Variants in MSL1 observed in about 807,000 individuals in gnomAD.
MSL1 encodes the protein male-specific lethal 1 homolog.
A neutral mutation model predicts 64.6 loss-of-function variants in MSL1; 21 were observed. The observed-to-expected ratio is 0.33, with a 90% CI of 0.23 to 0.47. The LOEUF is 0.47. MSL1 is among the 20% of genes least tolerant of loss of function. The pLI, the probability that MSL1 is intolerant of heterozygous loss-of-function variation, is 1.00. For missense variants in MSL1, 664 were observed against 793.2 expected, an observed-to-expected ratio of 0.84 and a Z score of 1.96; for synonymous variants, 339 against 329.6, an observed-to-expected ratio of 1.03 and a Z score of -0.31.
chr17:40,136,047 C>T lies in MSL1; in HGVS notation c.*1678C>T, dbSNP rs1185585785. On this transcript the variant is annotated 3_prime_UTR_variant, in exon 9 of 9. Transcript: ENST00000398532. Reference sequence around the variant, plus strand: ...AACTGGGCCAGATTTTCTTTGTTCTCCATCATTTTAATGTGGCAGGCTGTT... The same window carrying T: ...AACTGGGCCAGATTTTCTTTGTTCTTCATCATTTTAATGTGGCAGGCTGTT... 6.6e-6 allele frequency: 1 copy of T among 152,264 alleles called. No individual in the cohort carries two copies. The highest frequency in any genetic ancestry group is 2.4e-5 in the African/African-American group (1 of 41,416). The allele number at this position is 152,264 out of a possible 1,614,324, so 9.4% of individuals were successfully genotyped here.
chr17:40,132,781 G>A (rs1213250671), intron 5 of MSL1, among the ~76,000 whole-genome samples: 1 of 152,184 alleles, frequency 6.6e-6, no homozygotes, highest in East Asian at 1.9e-4. Context: ...GGGGGTTTTA[G>A]TTTGATGTGA....
Position 40,123,043 on chromosome 17 carries a change from C to G in MSL1, c.431C>G (p.Ala144Gly). ...CCCATTCAGACGGGCTCTCTCGTGG[C>G]GGCGGCCAAAGAGCCTACGCCCTGG... Reference protein sequence around the residue: ...VLPIQTGSLVAAAKEPTPWAG... With the variant: ...VLPIQTGSLVGAAKEPTPWAG... Residue 144 changes from alanine (A) to glycine (G), a missense_variant, in exon 1 of 9, where the codon GCG (alanine) becomes GGG (glycine). Coordinates refer to ENST00000398532, the MANE Select transcript of MSL1 (RefSeq NM_001365919.1). 6.5e-7 allele frequency: 1 copy of G among 1,532,012 alleles called. No individual in the cohort carries two copies. Among genetic ancestry groups the G allele is most frequent in the Non-Finnish European group, 8.7e-7 (1 of 1,145,446 alleles). 94.9% of individuals were successfully genotyped at this position (1,532,012 alleles called of 1,614,324 possible).
Position 40,122,824 on chromosome 17 carries a change from C to T in MSL1, c.212C>T (p.Pro71Leu). ...SSQGGSPAPS[P>L]AGCGGKGRGL... ...CAGGGCGGGAGCCCCGCGCCTTCCC[C>T]GGCCGGCTGCGGCGGCAAGGGCCGG... The change falls in exon 1 of 9, where the codon CCG becomes CTG. Residue 71 changes from proline (P) to leucine (L), a missense_variant. Pro to Leu is a moderately conservative substitution (Grantham distance 98, BLOSUM62 -3). Transcript: ENST00000398532. This position sits in a 1 kb window ranked among gnomAD's most constrained non-coding sequence, Gnocchi z 4.2. 2.2e-6 allele frequency: 3 copies of T among 1,369,102 alleles called. No individual in the cohort carries two copies. The highest frequency in any genetic ancestry group is 1.5e-5 in the African/African-American group (1 of 64,930). The allele number at this position is 1,369,102 out of a possible 1,614,324, so 84.8% of individuals were successfully genotyped here.
intron 5 of MSL1, among the ~76,000 whole-genome samples, chr17:40,132,582 T>C (rs1395379301): frequency 6.6e-6 from 1 of 152,096 alleles, no homozygotes; most frequent in African/African-American, 2.4e-5. Context: ...GAGGTTGCAG[T>C]GAGCCAAGAT....
Position 40,133,583 on chromosome 17 carries a change from C to G in MSL1, c.1606C>G (p.Leu536Val). 1 of 1,612,762 alleles carries G rather than the reference C, an allele frequency of 6.2e-7. No homozygotes were observed. Among genetic ancestry groups the G allele is most frequent in the South Asian group, 1.1e-5 (1 of 90,856 alleles). Residue 536 changes from leucine to valine, a missense_variant, in exon 7 of 9, where the codon CTC becomes GTC. By Grantham distance (32) the Leu-to-Val change is conservative. Transcript: ENST00000398532. ...REQRILQRLQLRMYKKKGIQE... is the reference protein window; with the variant it reads ...REQRILQRLQVRMYKKKGIQE... ...ACAAAGAATTTTACAGCGACTGCAG[C>G]TCAGAATGTATAAAAAGAAAGGAAT...
rs781551881 is a variant in MSL1, at chr17:40,129,277, C to A, written c.1025C>A (p.Thr342Asn). The change falls in exon 3 of 9, where the codon ACT becomes AAT. Residue 342 changes from threonine to asparagine, a missense_variant. By Grantham distance (65) the Thr-to-Asn change is moderately conservative. Around this residue, in one of 4 missense-constraint regions of MSL1, gnomAD observed 466 missense variants for 499.0 expected, o/e 0.93. Transcript: ENST00000398532. ...KSPFGSTERK[T>N]PVKKLAPEFS... The stretch of plus-strand genomic sequence containing the variant: ...CCATTTGGAAGTACAGAAAGAAAGA[C>A]TCCTGTTAAAAAGCTGGCTCCTGAA... 2 of 1,571,476 alleles carry A rather than the reference C, an allele frequency of 1.3e-6. No individual in the cohort carries two copies. The highest frequency in any genetic ancestry group is 1.7e-6 in the Non-Finnish European group (2 of 1,167,180).
At chr17:40,123,518 G>A in intron 1 of MSL1, 138 bp downstream of exon 1, 6 of 772,580 alleles carry the variant, frequency 7.8e-6, no homozygotes, top group South Asian at 6.8e-5. Context: ...TATCTTAGGC[G>A]CTGGGTCTCT....
chr17:40,132,770 T>C (rs1428249776), intron 5 of MSL1, among the ~76,000 whole-genome samples: 1 of 152,194 alleles, frequency 6.6e-6, no homozygotes, highest in Non-Finnish European at 1.5e-5. Context: ...TATGACAGTC[T>C]GGGGGTTTTA....
chr17:40,133,715 C>T, intron 7 of MSL1, 57 bp downstream of exon 7: 1 of 1,611,474 alleles, frequency 6.2e-7, no homozygotes, highest in Non-Finnish European at 8.5e-7. Flanking sequence ...GGGTGCAAGG[C>T]TCCAGGGTAC....
intron 7 of MSL1, 49 bp downstream of exon 7, chr17:40,133,707 G>A (rs746066426): frequency 8.1e-6 from 13 of 1,611,180 alleles, no homozygotes; most frequent in Non-Finnish European, 1.1e-5. Context: ...AAGGAGGAGG[G>A]TGCAAGGCTC....
intron 5 of MSL1, among the ~76,000 whole-genome samples, chr17:40,132,646 A>AC: frequency 6.6e-6 from 1 of 152,030 alleles, no homozygotes; most frequent in African/African-American, 2.4e-5. Context: ...CACACACACA[A>AC]AAAAAAGCAT....
At chr17:40,123,857 G>A (rs915834507) in intron 1 of MSL1, among the ~76,000 whole-genome samples, 1 of 152,162 alleles carries the variant, frequency 6.6e-6, no homozygotes, top group Non-Finnish European at 1.5e-5. Context: ...CTTTTAGTGG[G>A]CACAGGGGTA....
At chr17:40,127,103 G>C (rs1318254220) in intron 2 of MSL1, among the ~76,000 whole-genome samples, 1 of 152,096 alleles carries the variant, frequency 6.6e-6, no homozygotes, top group Admixed American at 6.5e-5. Context: ...AGGGCAAGGT[G>C]GGGAAGGAGT....
intron 8 of MSL1, 140 bp downstream of exon 8, chr17:40,134,039 C>G (rs896508868): frequency 9.0e-6 from 7 of 777,446 alleles, no homozygotes; most frequent in African/African-American, 1.7e-5. Flanking sequence ...ACCTGGGCAA[C>G]TAGCTTTTGT....
In MSL1 at chr17:40,133,089, G is replaced by A. The variant is rs1416533479; in HGVS notation, c.1536G>A (p.Leu512=). The A allele has an allele frequency of 6.2e-7, 1 of 1,610,130 alleles. No individual in the cohort carries two copies. The highest frequency in any genetic ancestry group is 1.3e-5 in the African/African-American group (1 of 74,898). Residue 512 remains leucine (L), a synonymous_variant, in exon 6 of 9, where the codon CTG becomes CTA. Transcript: ENST00000398532. The part of the protein sequence containing the change: ...VFSKRHAKLE[L]DEKRRKRWDI... ...CGAAGCGGCATGCAAAACTGGAGCT[G>A]GATGAGAAGAGAAGGAAAAGGTGAG...
intron 1 of MSL1, 22 bp downstream of exon 1, chr17:40,123,402 A>T: frequency 2.0e-6 from 3 of 1,533,182 alleles, no homozygotes; most frequent in Non-Finnish European, 2.6e-6. Flanking sequence ...GTTAATCTGC[A>T]TTCGGGCCGA....
rs1988531679 is a variant in MSL1 at position 40,135,929 on chromosome 17, GTAAACTTCATTGCAGC to G, written c.*1561_*1576del. On this transcript the variant is annotated 3_prime_UTR_variant, in exon 9 of 9. Transcript: ENST00000398532. ...TGGGCTCTCTATAAGGGAACCTGCT[GTAAACTTCATTGCAGC>G]AAGGATGTAGAGAGAAATAGGACTT... The G allele has an allele frequency of 6.6e-6, 1 of 152,120 alleles. No individual in the cohort carries two copies. The highest frequency in any genetic ancestry group is 1.5e-5 in the Non-Finnish European group (1 of 67,978). 9.4% of individuals were successfully genotyped at this position (152,120 alleles called of 1,614,324 possible). A position where few individuals can be genotyped will look rare whatever the true frequency, so the allele number is the denominator to read the frequency against.
chr17:40,123,667 A>G (rs1029264515), intron 1 of MSL1, among the ~76,000 whole-genome samples: 3 of 152,084 alleles, frequency 2.0e-5, no homozygotes, highest in Non-Finnish European at 4.4e-5. Flanking sequence ...CGTTTAGTGG[A>G]AAAAGACGTG....
intron 2 of MSL1, among the ~76,000 whole-genome samples, chr17:40,128,869 C>A (rs748391426): frequency 1.3e-5 from 2 of 151,836 alleles, no homozygotes; most frequent in Non-Finnish European, 2.9e-5. Flanking sequence ...AAAAAATTAA[C>A]CAGGCATGGT....
Sources: gnomAD v4.1 joint callset for allele counts (sites outside exome capture counted in the v4.1 genomes callset) on GRCh38, gnomAD v4.1.1 for gene constraint, gnomAD v4.1.1 regional missense constraint, Gnocchi (gnomAD v3.1) non-coding constraint, MANE v1.5 for transcripts, NCBI Gene and HGNC (gene_info 2026-07-23, HGNC 2026-07-21) for gene names.